SETD5: variants seen among roughly 807,000 people sequenced by gnomAD.
SETD5 encodes the protein SET domain containing 5, also known as histone-lysine N-methyltransferase SETD5.
Under a neutral mutation model 153.3 loss-of-function variants are expected in SETD5, and 44 were observed. The observed-to-expected ratio is 0.29, with a 90% CI of 0.23 to 0.37. The LOEUF is 0.37. Ranked by LOEUF, SETD5 falls within the 10% of genes least tolerant of loss-of-function variation. The pLI is 1.00. For synonymous variants in SETD5, 716 were observed against 645.2 expected (o/e 1.11, Z -1.66); for missense variants, 1,544 against 1,768.0 (o/e 0.87, Z 2.27).
chr3:9,473,071 C>G (rs1193585888), intron 19 of SETD5, among the ~76,000 whole-genome samples, 165 bp from the exon 20 acceptor site: 2 of 152,206 alleles, frequency 1.3e-5, no homozygotes, highest in Admixed American at 6.5e-5. Context: ...AGATCTCTTT[C>G]ATACTCCCCA....
intron 17 of SETD5, among the ~76,000 whole-genome samples, chr3:9,463,350 C>T (rs985970654): frequency 6.6e-6 from 1 of 152,144 alleles, no homozygotes; most frequent in African/African-American, 2.4e-5. Flanking sequence ...AATTTTAAGC[C>T]TCTTGAAAAT....
chr3:9,440,078 G>T (rs1435282022), intron 7 of SETD5, among the ~76,000 whole-genome samples: 1 of 152,168 alleles, frequency 6.6e-6, no homozygotes, highest in East Asian at 1.9e-4. Flanking sequence ...TAAATTTGAG[G>T]TCTCTACTGT....
At chr3:9,471,423 A>T (rs2045286635) in intron 19 of SETD5, among the ~76,000 whole-genome samples, 1 of 152,246 alleles carries the variant, frequency 6.6e-6, no homozygotes, top group Non-Finnish European at 1.5e-5. Flanking sequence ...ACTGAATCTC[A>T]AACAATAAGT....
At chr3:9,399,829 A>C (rs1398744963) in intron 1 of SETD5, among the ~76,000 whole-genome samples, 3 of 8,184 alleles carry the variant, frequency 3.7e-4, no homozygotes, top group African/African-American at 7.4e-4. Context: ...CACTGGTCCA[A>C]AAAAAAAAAA....
intron 1 of SETD5, among the ~76,000 whole-genome samples, chr3:9,412,115 G>A (rs2036654121): frequency 6.6e-6 from 1 of 151,914 alleles, no homozygotes. Context: ...AGAATTTTGA[G>A]ATACATTTGT....
chr3:9,477,631 A>C lies in SETD5; in HGVS notation c.*1540A>C, dbSNP rs2045922307. On this transcript the variant is annotated 3_prime_UTR_variant, in exon 23 of 23. Coordinates refer to ENST00000402198, the MANE Select transcript of SETD5 (RefSeq NM_001080517.3). ...TCTCTTTGTGTGTGACTGTTACAAA[A>C]TTTCACTTTTCAAAATCGAAATCAG... is the stretch of plus-strand genomic sequence containing the variant. The C allele has an allele frequency of 6.6e-6, 1 of 151,202 alleles. No individual in the cohort carries two copies. Among genetic ancestry groups the C allele is most frequent in the Non-Finnish European group, 1.5e-5 (1 of 67,874 alleles). The allele number at this position is 151,202 out of a possible 1,614,324, so 9.4% of individuals were successfully genotyped here. A position where few individuals can be genotyped will look rare whatever the true frequency, so the allele number is the denominator to read the frequency against.
chr3:9,412,398 T>G (rs866595694), intron 1 of SETD5, among the ~76,000 whole-genome samples: 13 of 139,106 alleles, frequency 9.3e-5, no homozygotes, highest in East Asian at 8.2e-4. Flanking sequence ...TTTTTTTTTT[T>G]TTTTTTTTTT....
chr3:9,457,477 A>G (rs2043400085), intron 17 of SETD5, among the ~76,000 whole-genome samples: 1 of 151,644 alleles, frequency 6.6e-6, no homozygotes, highest in Non-Finnish European at 1.5e-5. Context: ...ATAGAGTGAG[A>G]CTCTGTCTCA....
At chr3:9,474,315 C>T (rs903559594) in intron 20 of SETD5, 134 bp from the exon 21 acceptor site, 44 of 935,820 alleles carry the variant, frequency 4.7e-5, no homozygotes, top group East Asian at 5.4e-5. Context: ...AGAGGAAATA[C>T]GTTGTTTTAA....
At chr3:9,463,984 C>G (rs939614526) in intron 17 of SETD5, among the ~76,000 whole-genome samples, 1 of 152,108 alleles carries the variant, frequency 6.6e-6, no homozygotes, top group Non-Finnish European at 1.5e-5. Flanking sequence ...AAAAATTAGC[C>G]AGGTGTAGTG....
chr3:9,403,461 A>G (rs1575147564), intron 1 of SETD5, among the ~76,000 whole-genome samples: 1 of 152,320 alleles, frequency 6.6e-6, no homozygotes, highest in East Asian at 1.9e-4. Context: ...AACATGTAGA[A>G]TAATTTGTTT....
chr3:9,454,770 A>T (rs1382255204), intron 17 of SETD5, among the ~76,000 whole-genome samples: 1 of 152,118 alleles, frequency 6.6e-6, no homozygotes, highest in African/African-American at 2.4e-5. Flanking sequence ...AATTGAAAGC[A>T]CTTGTGATAT....
rs11542009 is a variant in SETD5, at chr3:9,475,685, C to T, written c.3923C>T (p.Thr1308Ile). The T allele has an allele frequency of 0.091, 147,427 of 1,613,924 alleles. 7,617 individuals are homozygous for T. The highest frequency in any genetic ancestry group is 0.1 in the Non-Finnish European group (123,518 of 1,179,840). Residue 1308 changes from threonine to isoleucine, a missense_variant, in exon 23 of 23, where the codon ACA (threonine) becomes ATA (isoleucine). This residue lies in a region of SETD5 where 302 missense variants were observed against 277.6 expected (regional missense o/e 1.09). Coordinates refer to ENST00000402198, the MANE Select transcript of SETD5 (RefSeq NM_001080517.3). The part of the protein sequence containing the change: ...SYSSPAHPVS[T>I]DSLAPFTGTP... ...TCCAGCCCCGCCCACCCTGTGTCCA[C>T]AGACTCGTTGGCCCCATTTACGGGG...
intron 1 of SETD5, among the ~76,000 whole-genome samples, chr3:9,423,965 G>A (rs144998097): frequency 1.0e-3 from 159 of 152,160 alleles, no homozygotes; most frequent in Non-Finnish European, 1.9e-3. Flanking sequence ...CTTTTTTATA[G>A]TAGGACAAGA....
intron 18 of SETD5, chr3:9,464,965 C>T (rs1053626200): frequency 2.3e-6 from 1 of 426,774 alleles, no homozygotes; most frequent in South Asian, 2.3e-5. Flanking sequence ...AGATCTCCAT[C>T]GTTATCTTTA....
At chr3:9,409,910 T>C (rs2036288734) in intron 1 of SETD5, among the ~76,000 whole-genome samples, 1 of 152,208 alleles carries the variant, frequency 6.6e-6, no homozygotes, top group Non-Finnish European at 1.5e-5. Context: ...TGTGCCACAA[T>C]ACACACACTA....
chr3:9,403,741 A>T (rs1289314461), intron 1 of SETD5, among the ~76,000 whole-genome samples: 1 of 152,142 alleles, frequency 6.6e-6, no homozygotes, highest in African/African-American at 2.4e-5. Context: ...GTTTATTAAG[A>T]CTTAGTATGA....
At chr3:9,443,166 G>A (rs1425514064) in intron 10 of SETD5, 142 bp from the exon 11 acceptor site, 4 of 634,064 alleles carry the variant, frequency 6.3e-6, no homozygotes, top group Non-Finnish European at 8.4e-6. Context: ...GAAATGAAGG[G>A]GTTAAATAAC....
At chr3:9,404,603 A>G (rs2035366683) in intron 1 of SETD5, among the ~76,000 whole-genome samples, 1 of 152,162 alleles carries the variant, frequency 6.6e-6, no homozygotes, top group African/African-American at 2.4e-5. Context: ...CCATCTAGTC[A>G]AGCACCAGTC....
Sources: allele counts gnomAD v4.1 joint callset (sites outside exome capture counted in the v4.1 genomes callset), GRCh38; gene constraint gnomAD v4.1.1; regional missense constraint gnomAD v4.1.1; transcripts MANE v1.5; gene names NCBI Gene and HGNC (gene_info 2026-07-23, HGNC 2026-07-21).